FAM13A: variants seen among roughly 807,000 people sequenced by gnomAD.
FAM13A encodes the protein protein FAM13A.
A neutral mutation model predicts 129.6 loss-of-function variants in FAM13A; 76 were observed. The ratio of observed to expected loss-of-function variants is 0.59; its 90% confidence interval spans 0.49 to 0.71. The LOEUF (loss-of-function observed/expected upper bound fraction) is 0.71, where lower values mean the gene tolerates loss of function less well. Among genes scored for constraint, FAM13A ranks in the 30% least tolerant of loss-of-function variants. FAM13A has a pLI of 0.00. For missense variants in FAM13A, 1,108 were observed against 1,249.3 expected, an observed-to-expected ratio of 0.89 and a Z score of 1.70; for synonymous variants, 443 against 449.9, an observed-to-expected ratio of 0.98 and a Z score of 0.20.
chr4:88,902,179 C>T (rs1421273611), intron 6 of FAM13A, among the ~76,000 whole-genome samples: 1 of 152,040 alleles, frequency 6.6e-6, no homozygotes, highest in African/African-American at 2.4e-5. Context: ...ACCAGAGGTA[C>T]AAAGAAGAGG....
intron 7 of FAM13A, among the ~76,000 whole-genome samples, chr4:88,830,515 T>A (rs988710509): frequency 5.9e-5 from 9 of 152,206 alleles, no homozygotes; most frequent in African/African-American, 2.2e-4. Flanking sequence ...TGTTTCCTCA[T>A]TTATTTATTA....
intron 6 of FAM13A, among the ~76,000 whole-genome samples, chr4:88,853,879 T>C (rs1236408077): frequency 6.6e-6 from 1 of 152,216 alleles, no homozygotes; most frequent in Non-Finnish European, 1.5e-5. Flanking sequence ...ATCTTTCTCC[T>C]GTGCTGGATG....
chr4:88,965,923 G>C (rs1322714447), intron 4 of FAM13A, among the ~76,000 whole-genome samples: 1 of 151,156 alleles, frequency 6.6e-6, no homozygotes, highest in Non-Finnish European at 1.5e-5. Flanking sequence ...TACTCTCTTG[G>C]TTGTATATAC....
intron 13 of FAM13A, among the ~76,000 whole-genome samples, chr4:88,763,923 T>G (rs1323349262): frequency 6.6e-6 from 1 of 152,228 alleles, no homozygotes. Flanking sequence ...GAAGCGAATT[T>G]GAAGTAAATA....
rs190185070 is a variant in FAM13A, at chr4:88,978,566, G to A, written c.605+12407C>T. 8.9e-3 allele frequency among the ~76,000 whole-genome samples: 1,358 copies of A among 152,222 alleles called. 12 individuals are homozygous for A. Among genetic ancestry groups the A allele is most frequent in the Non-Finnish European group, 0.015 (990 of 68,008 alleles). On this transcript the variant is annotated intron_variant, in intron 4 of 23. Coordinates refer to ENST00000264344, the MANE Select transcript of FAM13A (RefSeq NM_014883.4). ...TCCCAGCTCTTTGGGAGGCCGAGGCGGGCAGATCACAAGGTCAGGAGATCG... is the reference window on the plus strand; with the variant it reads ...TCCCAGCTCTTTGGGAGGCCGAGGCAGGCAGATCACAAGGTCAGGAGATCG...
intron 3 of FAM13A, among the ~76,000 whole-genome samples, chr4:89,016,156 C>T (rs528566773): frequency 3.2e-4 from 48 of 150,170 alleles, no homozygotes; most frequent in Non-Finnish European, 6.1e-4. Flanking sequence ...ACTCTGTAGG[C>T]CTAGACTCAC....
At position 88,747,106 on chromosome 4, in the gene FAM13A, A is replaced by G. The variant is rs1741508681; in HGVS notation, c.2383-91T>C. On this transcript the variant is annotated intron_variant, in intron 18 of 23. Transcript: ENST00000264344. ...ACTTAAATTACTAAAGCAAGGCTAA[A>G]AAGAACCCTCATATAACAGCTCTCC... 4 of 884,338 alleles carry G rather than the reference A, an allele frequency of 4.5e-6. No homozygotes were observed. In the South Asian group the frequency reaches 5.7e-5, roughly 13 times the overall value. The allele number at this position is 884,338 out of a possible 1,614,324, so 54.8% of individuals were successfully genotyped here.
chr4:89,002,771 AAACTT>A (rs1478301353), intron 3 of FAM13A, among the ~76,000 whole-genome samples: 10 of 152,226 alleles, frequency 6.6e-5, no homozygotes, highest in Admixed American at 5.9e-4. Context: ...GAAAAGAAGA[AAACTT>A]AAGTACAACG....
chr4:89,054,077 T>C (rs2149190175), intron 1 of FAM13A, among the ~76,000 whole-genome samples: 1 of 152,320 alleles, frequency 6.6e-6, no homozygotes, highest in East Asian at 1.9e-4. Context: ...AGCTAAATTT[T>C]CTTTGTACAC....
intron 7 of FAM13A, among the ~76,000 whole-genome samples, chr4:88,822,420 T>C (rs78359618): frequency 0.016 from 2,381 of 152,312 alleles, 69 homozygotes; most frequent in African/African-American, 0.052. Flanking sequence ...TCATTCTTAC[T>C]AAGCAGTTTT....
At chr4:88,740,245 C>G (rs557334849) in intron 19 of FAM13A, among the ~76,000 whole-genome samples, 1 of 152,298 alleles carries the variant, frequency 6.6e-6, no homozygotes, top group African/African-American at 2.4e-5. Context: ...CCATTCTCTC[C>G]TTTGTGAAAT....
At chr4:88,738,213 A>C (rs1739411550) in intron 20 of FAM13A, among the ~76,000 whole-genome samples, 1 of 152,232 alleles carries the variant, frequency 6.6e-6, no homozygotes, top group South Asian at 2.1e-4. Flanking sequence ...GCAGCAGCTA[A>C]AATGAGTATG....
chr4:88,920,300 A>G (rs931086520), intron 5 of FAM13A, among the ~76,000 whole-genome samples: 1 of 152,126 alleles, frequency 6.6e-6, no homozygotes. Context: ...GAGGCACCCC[A>G]TAGTAGGGGC....
intron 13 of FAM13A, among the ~76,000 whole-genome samples, chr4:88,764,594 A>G (rs1026825658): frequency 2.0e-5 from 3 of 152,196 alleles, no homozygotes; most frequent in African/African-American, 4.8e-5. Flanking sequence ...AGTTTTAAGG[A>G]TGACCTCTCT....
intron 7 of FAM13A, among the ~76,000 whole-genome samples, chr4:88,810,668 A>G (rs1345121983): frequency 2.0e-5 from 3 of 152,160 alleles, no homozygotes; most frequent in African/African-American, 7.2e-5. Context: ...TAAGACTATA[A>G]TCAATTTCCC....
intron 3 of FAM13A, among the ~76,000 whole-genome samples, chr4:89,012,052 C>G (rs1453104159): frequency 1.3e-5 from 2 of 152,128 alleles, no homozygotes; most frequent in East Asian, 3.9e-4. Flanking sequence ...TAAAAATACT[C>G]AACTATGATC....
Position 89,029,635 on chromosome 4 carries a change from C to G in FAM13A, c.42G>C (p.Ala14=). 1 of 1,574,380 alleles carries G rather than the reference C, an allele frequency of 6.4e-7. No homozygotes were observed. ...TTTTCATGTCTTCTTTCAGCCGAAC[C>G]GCTGCTTTACTTTGCTTAAAGGAGC... ...GALAICQSKA[A]VRLKEDMKKI... is the part of the protein sequence containing the mutation. The change falls in exon 2 of 24, where the codon GCG becomes GCC. Residue 14 remains alanine, a synonymous_variant. Transcript: ENST00000264344.
intron 21 of FAM13A, among the ~76,000 whole-genome samples, chr4:88,734,133 T>TGA (rs3971661): frequency 0.19 from 29,195 of 152,176 alleles, 2,979 homozygotes; most frequent in African/African-American, 0.24. Flanking sequence ...GATCAACTGA[T>TGA]GAGACTGGTT....
chr4:88,890,029 G>C (rs1260230173), intron 6 of FAM13A, among the ~76,000 whole-genome samples: 1 of 152,176 alleles, frequency 6.6e-6, no homozygotes, highest in Non-Finnish European at 1.5e-5. Context: ...GGGCAACCAG[G>C]ATAATTTGGT....
Sources: gnomAD v4.1 joint callset for allele counts (sites outside exome capture counted in the v4.1 genomes callset) on GRCh38, gnomAD v4.1.1 for gene constraint, MANE v1.5 for transcripts, NCBI Gene and HGNC (gene_info 2026-07-23, HGNC 2026-07-21) for gene names.